PRR14L: variants seen among roughly 807,000 people sequenced by gnomAD.
PRR14L encodes proline rich 14 like, also known as protein PRR14L.
PRR14L carries 80 observed loss-of-function variants against 155.0 expected under a neutral mutation model. That is an observed-to-expected ratio of 0.52 (90% CI 0.43 to 0.62). The LOEUF is 0.62. Ranked by LOEUF, PRR14L falls within the 20% of genes least tolerant of loss-of-function variation. The pLI is 0.00. For synonymous variants in PRR14L, 883 were observed against 916.0 expected (o/e 0.96, Z 0.65); for missense variants, 2,469 against 2,548.0 (o/e 0.97, Z 0.67).
intron 4 of PRR14L, among the ~76,000 whole-genome samples, chr22:31,708,095 G>A (rs1387512989): frequency 2.0e-5 from 3 of 151,894 alleles, no homozygotes; most frequent in Non-Finnish European, 4.4e-5. Flanking sequence ...GTTGCGGTGA[G>A]CTGAGATTGC....
At chr22:31,707,907 T>C (rs1267281539) in intron 4 of PRR14L, among the ~76,000 whole-genome samples, 1 of 152,230 alleles carries the variant, frequency 6.6e-6, no homozygotes, top group Admixed American at 6.5e-5. Flanking sequence ...CCCAGCACTT[T>C]AGGAGGCTGG....
At chr22:31,745,568 G>A (rs953427319) in intron 1 of PRR14L, among the ~76,000 whole-genome samples, 8 of 151,918 alleles carry the variant, frequency 5.3e-5, no homozygotes, top group Non-Finnish European at 5.9e-5. Context: ...CTCTACAGCC[G>A]GGCGTGGTGG....
chr22:31,748,751 T>C (rs1364446878), intron 1 of PRR14L, among the ~76,000 whole-genome samples: 1 of 152,218 alleles, frequency 6.6e-6, no homozygotes, highest in East Asian at 1.9e-4. Context: ...TGATACCTTC[T>C]GTGGACAAAG....
chr22:31,710,541 C>T (rs950860980), intron 4 of PRR14L, among the ~76,000 whole-genome samples: 2 of 151,628 alleles, frequency 1.3e-5, no homozygotes, highest in African/African-American at 4.8e-5. Context: ...CAAGTTCTGC[C>T]TCCCGGGTTC....
intron 2 of PRR14L, 70 bp from the exon 3 acceptor site, chr22:31,725,680 A>ATTC: frequency 1.0e-6 from 1 of 961,312 alleles, no homozygotes; most frequent in South Asian, 1.6e-5. Flanking sequence ...TATTATTATT[A>ATTC]TTATTTTTTG....
chr22:31,695,858 T>C (rs1449320184), intron 7 of PRR14L, among the ~76,000 whole-genome samples: 1 of 152,164 alleles, frequency 6.6e-6, no homozygotes, highest in African/African-American at 2.4e-5. Flanking sequence ...AACCCGAGTG[T>C]ACCCTTCAGG....
chr22:31,740,069 AT>A (rs887102745), intron 1 of PRR14L, among the ~76,000 whole-genome samples: 1 of 148,718 alleles, frequency 6.7e-6, no homozygotes. Context: ...TCATGCTTTC[AT>A]TTTTTTTTTA....
At chr22:31,733,675 TC>T (rs2147873574) in intron 2 of PRR14L, among the ~76,000 whole-genome samples, 1 of 152,284 alleles carries the variant, frequency 6.6e-6, no homozygotes, top group East Asian at 1.9e-4. Context: ...GCCAAACTGC[TC>T]CTCAGAAAGG....
At position 31,714,229 on chromosome 22, in the gene PRR14L, G is replaced by A. The variant is rs1283918405; in HGVS notation, c.3610C>T (p.Pro1204Ser). The change falls in exon 4 of 9, where the codon CCA becomes TCA. Residue 1204 changes from proline to serine, a missense_variant. Pro to Ser is a moderately conservative substitution (Grantham distance 74). Coordinates refer to ENST00000327423, the MANE Select transcript of PRR14L (RefSeq NM_173566.3). Reference protein sequence around the residue: ...QEMTEGSRLEPNSEFGKESTF... With the variant: ...QEMTEGSRLESNSEFGKESTF... ...CTTTCTTTGCCAAACTCAGAGTTTG[G>A]TTCTAGTCTTGATCCTTCAGTCATT... 6.4e-7 allele frequency: 1 copy of A among 1,551,566 alleles called. No individual in the cohort carries two copies. Among genetic ancestry groups the A allele is most frequent in the Non-Finnish European group, 8.7e-7 (1 of 1,146,956 alleles).
rs1244070173 is a variant in PRR14L, at chr22:31,712,750, T to C, written c.5089A>G (p.Lys1697Glu). ...PMALYSLESI[K>E]MTFIDLSNKM... Reference sequence around the variant, plus strand: ...TTGCTCAAATCTATGAAGGTCATCTTGATGGATTCGAGAGAATAAAGTGCC... The same window carrying C: ...TTGCTCAAATCTATGAAGGTCATCTCGATGGATTCGAGAGAATAAAGTGCC... The change falls in exon 4 of 9, where the codon AAG (lysine) becomes GAG (glutamate). Residue 1697 changes from lysine (K) to glutamate (E), a missense_variant. Coordinates refer to ENST00000327423, the MANE Select transcript of PRR14L (RefSeq NM_173566.3). The C allele has an allele frequency of 1.3e-6, 2 of 1,551,880 alleles. No homozygotes were observed. The highest frequency in any genetic ancestry group is 4.9e-5 in the East Asian group (2 of 40,922).
At chr22:31,702,426 G>T (rs2074567504) in intron 6 of PRR14L, among the ~76,000 whole-genome samples, 1 of 152,092 alleles carries the variant, frequency 6.6e-6, no homozygotes, top group African/African-American at 2.4e-5. Context: ...TCTCCATGTT[G>T]GTCAGGCTGG....
intron 5 of PRR14L, 152 bp downstream of exon 5, chr22:31,704,503 C>CA (rs1473351741): frequency 2.2e-6 from 1 of 463,168 alleles, no homozygotes; most frequent in Non-Finnish European, 3.9e-6. Context: ...ATTTCAATCT[C>CA]AGAAATGTTT....
chr22:31,689,804 T>C (rs1185944541), intron 7 of PRR14L, among the ~76,000 whole-genome samples: 1 of 152,134 alleles, frequency 6.6e-6, no homozygotes, highest in Non-Finnish European at 1.5e-5. Context: ...TGGAGTGCAA[T>C]GGCGCGATCT....
intron 7 of PRR14L, among the ~76,000 whole-genome samples, chr22:31,689,877 C>G (rs1026343122): frequency 1.3e-5 from 2 of 151,982 alleles, no homozygotes; most frequent in Non-Finnish European, 1.5e-5. Context: ...TCCTCAGTAG[C>G]TGGAATTACA....
intron 1 of PRR14L, among the ~76,000 whole-genome samples, chr22:31,748,694 T>C (rs898298290): frequency 1.3e-5 from 2 of 152,002 alleles, no homozygotes; most frequent in Admixed American, 1.3e-4. Flanking sequence ...GTCACTACAG[T>C]AAGTCAGGGA....
At chr22:31,741,621 C>T (rs2074813608) in intron 1 of PRR14L, among the ~76,000 whole-genome samples, 1 of 152,188 alleles carries the variant, frequency 6.6e-6, no homozygotes, top group Non-Finnish European at 1.5e-5. Flanking sequence ...CCTATAATCC[C>T]AGCACTTTGG....
chr22:31,698,545 A>G (rs1401066159), intron 7 of PRR14L, among the ~76,000 whole-genome samples: 2 of 151,926 alleles, frequency 1.3e-5, no homozygotes, highest in Non-Finnish European at 2.9e-5. Context: ...AAAAAAAAAA[A>G]AGAAAGCAAT....
chr22:31,712,593 A>G lies in PRR14L; in HGVS notation c.5246T>C (p.Leu1749Ser). The G allele has an allele frequency of 1.3e-6, 2 of 1,551,720 alleles. No homozygotes were observed. The highest frequency in any genetic ancestry group is 1.7e-6 in the Non-Finnish European group (2 of 1,147,000). Reference sequence around the variant, plus strand: ...AGACGGGCACTGGAGGGCCTCTCCTAAGGCAAGCCTTGCCGGAGCACAGTG... The same window carrying G: ...AGACGGGCACTGGAGGGCCTCTCCTGAGGCAAGCCTTGCCGGAGCACAGTG... ...PEHCAPARLA[L>S]GEALQCPSQP... Residue 1749 changes from leucine to serine, a missense_variant, in exon 4 of 9, where the codon TTA becomes TCA. Transcript: ENST00000327423.
rs767950145 is a variant in PRR14L at position 31,710,309 on chromosome 22, T to G, written c.5756+1774A>C. Among the ~76,000 whole-genome samples, 43 of 152,196 alleles carry G rather than the reference T, an allele frequency of 2.8e-4. 1 individual carries two copies. The highest frequency in any genetic ancestry group is 4.7e-4 in the Non-Finnish European group (32 of 68,040). On this transcript the variant is annotated intron_variant, in intron 4 of 8. Coordinates refer to ENST00000327423, the MANE Select transcript of PRR14L (RefSeq NM_173566.3). ...AGACACACAATGAACAAGGCCCTCC[T>G]AAGCTATTTGGAATATTAAGGCTTT...
Sources: allele counts gnomAD v4.1 joint callset (sites outside exome capture counted in the v4.1 genomes callset), GRCh38; gene constraint gnomAD v4.1.1; transcripts MANE v1.5; gene names NCBI Gene and HGNC (gene_info 2026-07-23, HGNC 2026-07-21).